SLC36A1: variants seen among roughly 807,000 people sequenced by gnomAD.
SLC36A1 encodes proton-coupled amino acid transporter 1.
Under a neutral mutation model 47.5 loss-of-function variants are expected in SLC36A1, and 30 were observed. The observed-to-expected ratio is 0.63, with a 90% CI of 0.47 to 0.86. The LOEUF (loss-of-function observed/expected upper bound fraction) is 0.86, where lower values mean the gene tolerates loss of function less well. Among genes scored for constraint, SLC36A1 ranks in the 40% least tolerant of loss-of-function variants. SLC36A1 has a pLI of 0.00. For synonymous variants in SLC36A1, 255 were observed against 249.7 expected (o/e 1.02, Z -0.20); for missense variants, 517 against 606.0 (o/e 0.85, Z 1.54).
chr5:151,448,804 C>T (rs1753198619), intron 1 of SLC36A1, among the ~76,000 whole-genome samples: 1 of 152,156 alleles, frequency 6.6e-6, no homozygotes, highest in Non-Finnish European at 1.5e-5. Flanking sequence ...TACCTGGCAA[C>T]CTTAAGTGAC....
chr5:151,469,200 C>G, intron 7 of SLC36A1: 2 of 690,632 alleles, frequency 2.9e-6, no homozygotes, highest in South Asian at 1.5e-5. Flanking sequence ...CACCCCGAGT[C>G]TCCTCTCAGG....
the SLC36A1 span, among the ~76,000 whole-genome samples, chr5:151,534,968 A>AATATATATATATATAT: frequency 1.9e-5 from 1 of 52,712 alleles, no homozygotes; most frequent in Non-Finnish European, 3.4e-5. Flanking sequence ...CACTTCTAGG[A>AATATATATATATATAT]AAATATATAT....
the SLC36A1 span, among the ~76,000 whole-genome samples, chr5:151,420,663 A>T: frequency 1.3e-5 from 2 of 152,296 alleles, no homozygotes; most frequent in Non-Finnish European, 2.9e-5. Context: ...TATTATAAAA[A>T]GTCAAACAGT....
Position 151,488,455 on chromosome 5 carries a change from A to G in SLC36A1, c.*201A>G, listed in dbSNP as rs1282152703. The stretch of plus-strand genomic sequence containing the variant: ...GGGGTGGCAGACACGCAGAAGTGCT[A>G]CTAGTGACAGGGCTGCCATCGCTCA... On this transcript the variant is annotated 3_prime_UTR_variant, in exon 11 of 11. Coordinates refer to ENST00000243389, the MANE Select transcript of SLC36A1 (RefSeq NM_078483.4). 4 of 647,560 alleles carry G rather than the reference A, an allele frequency of 6.2e-6. No homozygotes were observed. The highest frequency in any genetic ancestry group is 3.7e-5 in the African/African-American group (2 of 54,690). 40.1% of individuals were successfully genotyped at this position (647,560 alleles called of 1,614,324 possible).
At chr5:151,479,835 A>G (rs1758576460) in intron 10 of SLC36A1, 2 of 538,686 alleles carry the variant, frequency 3.7e-6, no homozygotes, top group Non-Finnish European at 3.2e-6. Context: ...TGTAATGAGT[A>G]TAAGTTACTC....
At chr5:151,459,183 TA>T (rs1414919754) in intron 2 of SLC36A1, among the ~76,000 whole-genome samples, 1 of 152,252 alleles carries the variant, frequency 6.6e-6, no homozygotes, top group East Asian at 1.9e-4. Flanking sequence ...AGCTTGGACT[TA>T]AAAAAAGCTT....
chr5:151,479,358 T>A lies in SLC36A1; in HGVS notation c.1028T>A (p.Ile343Asn), dbSNP rs1758506519. 1 of 1,614,102 alleles carries A rather than the reference T, an allele frequency of 6.2e-7. No homozygotes were observed. Among genetic ancestry groups the A allele is most frequent in the Non-Finnish European group, 8.5e-7 (1 of 1,180,032 alleles). ...GTTAAGCTGCTGTACTCCATCGGGA[T>A]CTTTTTCACCTACGCACTCCAGTTC... The part of the protein sequence containing the change: ...QSVKLLYSIG[I>N]FFTYALQFYV... The change falls in exon 10 of 11, where the codon ATC (isoleucine) becomes AAC (asparagine). Residue 343 changes from isoleucine (I) to asparagine (N), a missense_variant. By Grantham distance (149) the Ile-to-Asn change is moderately radical (BLOSUM62 -3). Coordinates refer to ENST00000243389, the MANE Select transcript of SLC36A1 (RefSeq NM_078483.4).
At chr5:151,352,993 G>A in the SLC36A1 span, among the ~76,000 whole-genome samples, 2 of 152,210 alleles carry the variant, frequency 1.3e-5, no homozygotes, top group Non-Finnish European at 2.9e-5. Flanking sequence ...TCTGGAATAA[G>A]GGTCTTATGA....
At chr5:151,346,147 C>T in the SLC36A1 span, among the ~76,000 whole-genome samples, 17 of 152,328 alleles carry the variant, frequency 1.1e-4, no homozygotes, top group Middle Eastern at 3.4e-3. Flanking sequence ...AACCTTGTAT[C>T]AGTTCAGGAC....
the SLC36A1 span, among the ~76,000 whole-genome samples, chr5:151,395,631 C>T: frequency 1.3e-5 from 2 of 152,078 alleles, no homozygotes; most frequent in African/African-American, 4.8e-5. Flanking sequence ...GGTGTGTGTG[C>T]ATCAGTGTTT....
chr5:151,551,091 G>C, the SLC36A1 span, among the ~76,000 whole-genome samples: 2 of 152,172 alleles, frequency 1.3e-5, no homozygotes, highest in Non-Finnish European at 2.9e-5. Flanking sequence ...TTCTGGAAGG[G>C]CCTTTCCATC....
At chr5:151,449,447 C>T (rs919114862) in intron 1 of SLC36A1, among the ~76,000 whole-genome samples, 7 of 152,190 alleles carry the variant, frequency 4.6e-5, no homozygotes, top group Non-Finnish European at 7.3e-5. Flanking sequence ...GTGCTGATAA[C>T]AGCTTTAAGC....
intron 10 of SLC36A1, 90 bp from the exon 11 acceptor site, chr5:151,487,893 A>G (rs1237563824): frequency 1.4e-6 from 2 of 1,458,382 alleles, no homozygotes; most frequent in Non-Finnish European, 1.9e-6. Context: ...ATCCTATAAG[A>G]TGGACAGATG....
rs148310645 is a variant in SLC36A1, at chr5:151,488,050, C to T, written c.1227C>T (p.Ser409=). The T allele has an allele frequency of 8.5e-4, 1,370 of 1,614,156 alleles. 1 individual carries two copies. Among genetic ancestry groups the T allele is most frequent in the Middle Eastern group, 1.2e-3 (7 of 6,042 alleles). The change falls in exon 11 of 11, where the codon AGC becomes AGT. Residue 409 remains serine, a synonymous_variant. Coordinates refer to ENST00000243389, the MANE Select transcript of SLC36A1 (RefSeq NM_078483.4). ...VISLVGSVSS[S]ALALIIPPLL... is the part of the protein sequence containing the mutation. Reference sequence around the variant, plus strand: ...CCCTGGTGGGCTCCGTGAGCAGCAGCGCCCTGGCCCTCATCATCCCACCGC... The same window carrying T: ...CCCTGGTGGGCTCCGTGAGCAGCAGTGCCCTGGCCCTCATCATCCCACCGC...
At chr5:151,525,915 T>C in the SLC36A1 span, 1 of 1,614,200 alleles carries the variant, frequency 6.2e-7, no homozygotes, top group Non-Finnish European at 8.5e-7. Context: ...CTGGAGAATC[T>C]GGGTCACTCA....
chr5:151,552,470 T>G, the SLC36A1 span, among the ~76,000 whole-genome samples: 1 of 152,168 alleles, frequency 6.6e-6, no homozygotes, highest in Admixed American at 6.5e-5. Flanking sequence ...GGACTCCATG[T>G]TCATGTGGGT....
the SLC36A1 span, chr5:151,532,032 C>A: frequency 6.3e-7 from 1 of 1,578,434 alleles, no homozygotes; most frequent in Admixed American, 1.8e-5. Flanking sequence ...CTGCCTGCAG[C>A]AAACCCTGCA....
At chr5:151,454,864 T>C (rs1007726707) in intron 1 of SLC36A1, among the ~76,000 whole-genome samples, 1 of 151,850 alleles carries the variant, frequency 6.6e-6, no homozygotes, top group Non-Finnish European at 1.5e-5. Context: ...AGGCGCCCGC[T>C]ACCACGCCCG....
the SLC36A1 span, chr5:151,545,703 C>T: frequency 6.2e-7 from 1 of 1,614,014 alleles, no homozygotes; most frequent in Non-Finnish European, 8.5e-7. Context: ...ACTTCAAGGC[C>T]TCCGGCTCCA....
Sources: allele counts gnomAD v4.1 joint callset (sites outside exome capture counted in the v4.1 genomes callset), GRCh38; gene constraint gnomAD v4.1.1; transcripts MANE v1.5; gene names NCBI Gene and HGNC (gene_info 2026-07-23, HGNC 2026-07-21).